The following TMCC2 variants were observed in gnomAD, a reference collection of about 807,000 sequenced individuals.
TMCC2 encodes the protein transmembrane and coiled-coil domain family 2, also known as transmembrane and coiled-coil domains protein 2.
In TMCC2, 16 loss-of-function variants were observed where a neutral mutation model predicts 49.4. The observed-to-expected ratio is 0.32, with a 90% confidence interval of 0.22 to 0.49. The LOEUF is 0.49. TMCC2 is among the 20% of genes least tolerant of loss of function. The probability of loss-of-function intolerance (pLI) is 0.99; values close to 1 mark genes in which losing one functional copy is unlikely to be tolerated. For missense variants in TMCC2, 762 were observed against 989.8 expected, an observed-to-expected ratio of 0.77 and a Z score of 3.09; for synonymous variants, 397 against 434.1, an observed-to-expected ratio of 0.91 and a Z score of 1.06.
chr1:205,237,825 T>C (rs1660114540), intron 1 of TMCC2, among the ~76,000 whole-genome samples: 1 of 152,192 alleles, frequency 6.6e-6, no homozygotes, highest in African/African-American at 2.4e-5. Flanking sequence ...GAGATGGGGC[T>C]CTTCCTGCCC....
rs145482684 is a variant in TMCC2 at position 205,264,872 on chromosome 1, A to G, written c.748-4078A>G. On this transcript the variant is annotated intron_variant, in intron 2 of 4. Transcript: ENST00000358024. This position sits in a 1 kb window ranked among gnomAD's most constrained non-coding sequence, Gnocchi z 4.2. The stretch of plus-strand genomic sequence containing the variant: ...TGGATGTGGAATTCTCAGATACAGA[A>G]GGCTAACTATAATTGTTATCCTTAT... 1.3e-3 allele frequency among the ~76,000 whole-genome samples: 205 copies of G among 152,342 alleles called. 3 individuals are homozygous for G. Among genetic ancestry groups the G allele is most frequent in the African/African-American group, 4.7e-3 (194 of 41,570 alleles).
In TMCC2 at chr1:205,269,019, C is replaced by A; in HGVS notation, c.817C>A (p.Leu273Met). The A allele has an allele frequency of 6.2e-7, 1 of 1,613,500 alleles. No homozygotes were observed. Among genetic ancestry groups the A allele is most frequent in the Non-Finnish European group, 8.5e-7 (1 of 1,180,018 alleles). Residue 273 changes from leucine (L) to methionine (M), a missense_variant, in exon 3 of 5, where the codon CTG (leucine) becomes ATG (methionine). Leu to Met is a conservative substitution (Grantham distance 15). Transcript: ENST00000358024. ...TGGTGACACCGACGGCCCCATCAGC[C>A]TGGACGTGCCCGATGGGGCACCGGA... Reference protein sequence around the residue: ...GHGDTDGPISLDVPDGAPDPQ... With the variant: ...GHGDTDGPISMDVPDGAPDPQ...
intron 2 of TMCC2, among the ~76,000 whole-genome samples, chr1:205,247,446 T>C (rs1660496104): frequency 6.6e-6 from 1 of 152,154 alleles, no homozygotes; most frequent in Non-Finnish European, 1.5e-5. Flanking sequence ...TCCCCTTCAG[T>C]TGCATAGATT....
intron 2 of TMCC2, among the ~76,000 whole-genome samples, chr1:205,250,998 G>A (rs1277664084): frequency 2.6e-5 from 4 of 152,184 alleles, no homozygotes; most frequent in Admixed American, 1.3e-4. Flanking sequence ...GATGAGAAAC[G>A]TGACCCCAGT....
chr1:205,246,184 A>C lies in TMCC2; in HGVS notation c.747+4140A>C, dbSNP rs181194268. Among the ~76,000 whole-genome samples, 499 of 152,160 alleles carry C rather than the reference A, an allele frequency of 3.3e-3. 6 individuals carry two copies. The highest frequency in any genetic ancestry group is 0.011 in the African/African-American group (469 of 41,514). ...ATGATTCTATGTGGGCATGACAGAA[A>C]GAGAGAAGTCAAATGTGGTTCACAG... On this transcript the variant is annotated intron_variant, in intron 2 of 4. Transcript: ENST00000358024.
At chr1:205,239,223 T>C (rs1009957627) in intron 1 of TMCC2, among the ~76,000 whole-genome samples, 2 of 152,200 alleles carry the variant, frequency 1.3e-5, no homozygotes, top group African/African-American at 4.8e-5. Context: ...TATTATGGAA[T>C]GTGACGATTT....
chr1:205,249,924 T>G (rs1280919406), intron 2 of TMCC2, among the ~76,000 whole-genome samples: 1 of 152,228 alleles, frequency 6.6e-6, no homozygotes, highest in East Asian at 1.9e-4. Flanking sequence ...TCTCAGTGAC[T>G]CAAAGCCCCT....
chr1:205,230,387 C>G (rs1421913801), intron 1 of TMCC2, among the ~76,000 whole-genome samples: 1 of 152,198 alleles, frequency 6.6e-6, no homozygotes, highest in East Asian at 1.9e-4. Flanking sequence ...GCACAAGAAG[C>G]TTGAGCTTTT....
chr1:205,247,272 A>AAG (rs1378374537), intron 2 of TMCC2, among the ~76,000 whole-genome samples: 2 of 152,096 alleles, frequency 1.3e-5, no homozygotes, highest in Non-Finnish European at 2.9e-5. Flanking sequence ...TGCCTATGGC[A>AAG]CCCAGCTAGG....
At chr1:205,254,596 C>T (rs1411949008) in intron 2 of TMCC2, among the ~76,000 whole-genome samples, 1 of 152,164 alleles carries the variant, frequency 6.6e-6, no homozygotes, top group Non-Finnish European at 1.5e-5. Flanking sequence ...CTATTGGTTC[C>T]CTCCTGAACC....
Position 205,241,649 on chromosome 1 carries a change from G to T in TMCC2, c.352G>T (p.Asp118Tyr), listed in dbSNP as rs371629736. The T allele has an allele frequency of 6.8e-6, 11 of 1,613,734 alleles. No individual in the cohort carries two copies. The highest frequency in any genetic ancestry group is 9.3e-6 in the Non-Finnish European group (11 of 1,179,974). Residue 118 changes from aspartate (D) to tyrosine (Y), a missense_variant, in exon 2 of 5, where the codon GAC (aspartate) becomes TAC (tyrosine). Asp to Tyr is a radical substitution (Grantham distance 160). Coordinates refer to ENST00000358024, the MANE Select transcript of TMCC2 (RefSeq NM_014858.4). This position sits in a 1 kb window ranked among gnomAD's most constrained non-coding sequence, Gnocchi z 7.3. ...GCAGCAGCAGGGTATGTCCGACCAT[G>T]ACTCCCCAGATGAGAAGGAGCGCTC... Reference protein sequence around the residue: ...HQQQQGMSDHDSPDEKERSPE... With the variant: ...HQQQQGMSDHYSPDEKERSPE...
At chr1:205,256,551 G>T in intron 2 of TMCC2, 1 of 937,268 alleles carries the variant, frequency 1.1e-6, no homozygotes. Context: ...CAGGATCTCA[G>T]GGCAGAAGAA....
At chr1:205,243,429 G>C (rs1660346034) in intron 2 of TMCC2, among the ~76,000 whole-genome samples, 1 of 152,188 alleles carries the variant, frequency 6.6e-6, no homozygotes, top group South Asian at 2.1e-4. Flanking sequence ...GATTGGGAAG[G>C]GAGTGCAGGA....
At position 205,264,437 on chromosome 1, in the gene TMCC2, G is replaced by T. The variant is rs1162069047; in HGVS notation, c.748-4513G>T. On this transcript the variant is annotated intron_variant, in intron 2 of 4. Coordinates refer to ENST00000358024, the MANE Select transcript of TMCC2 (RefSeq NM_014858.4). This position sits in a 1 kb window ranked among gnomAD's most constrained non-coding sequence, Gnocchi z 4.2. The stretch of plus-strand genomic sequence containing the variant: ...AGGTTCAAGTGATTCTTCTGCCTCA[G>T]CCTCCTGAGTAGCTGGAACAACCGG... 6.6e-6 allele frequency among the ~76,000 whole-genome samples: 1 copy of T among 151,964 alleles called. No homozygotes were observed. The highest frequency in any genetic ancestry group is 1.5e-5 in the Non-Finnish European group (1 of 67,998).
At chr1:205,265,222 C>T (rs1379126458) in intron 2 of TMCC2, among the ~76,000 whole-genome samples, 1 of 152,200 alleles carries the variant, frequency 6.6e-6, no homozygotes, top group African/African-American at 2.4e-5. Context: ...TCTGCACCCA[C>T]CATCAGGCCC....
chr1:205,269,281 G>A lies in TMCC2; in HGVS notation c.1079G>A (p.Arg360His). ...LHKKLEHYRRRLKEIEQNGPS... is the reference protein window; with the variant it reads ...LHKKLEHYRRHLKEIEQNGPS... ...AAGAAGCTGGAGCACTACCGCCGGCGCCTGAAGGAGATTGAGCAGAACGGG... is the reference window on the plus strand; with the variant it reads ...AAGAAGCTGGAGCACTACCGCCGGCACCTGAAGGAGATTGAGCAGAACGGG... The change falls in exon 3 of 5, where the codon CGC (arginine) becomes CAC (histidine). Residue 360 changes from arginine (R) to histidine (H), a missense_variant. This residue lies in a region of TMCC2 where 440 missense variants were observed against 636.7 expected (regional missense o/e 0.69). Transcript: ENST00000358024. The A allele has an allele frequency of 1.9e-6, 3 of 1,613,730 alleles. No homozygotes were observed. Among genetic ancestry groups the A allele is most frequent in the Non-Finnish European group, 2.5e-6 (3 of 1,180,024 alleles).
chr1:205,251,174 A>G (rs930503202), intron 2 of TMCC2, among the ~76,000 whole-genome samples: 2 of 152,250 alleles, frequency 1.3e-5, no homozygotes, highest in East Asian at 1.9e-4. Context: ...TACACACCCT[A>G]TTGCATTCCT....
intron 2 of TMCC2, among the ~76,000 whole-genome samples, chr1:205,251,848 G>C (rs1378797165): frequency 6.6e-6 from 1 of 152,208 alleles, no homozygotes; most frequent in Non-Finnish European, 1.5e-5. Context: ...TTCTCGTTTA[G>C]TCACGTCAGC....
Position 205,228,574 on chromosome 1 carries a change from T to G in TMCC2, c.10T>G (p.Cys4Gly). 6.2e-7 allele frequency: 1 copy of G among 1,609,474 alleles called. No individual in the cohort carries two copies. The highest frequency in any genetic ancestry group is 1.3e-5 in the African/African-American group (1 of 74,804). MKRCRSDELQQQQG... is the reference protein window; with the variant it reads MKRGRSDELQQQQG... ...CCGACCCACATACACCATGAAGAGG[T>G]GCAGATCGGACGAGCTGCAGCAACA... is the stretch of plus-strand genomic sequence containing the variant. The change falls in exon 1 of 5, where the codon TGC (cysteine) becomes GGC (glycine). Residue 4 changes from cysteine (C) to glycine (G), a missense_variant. Physicochemically the swap from Cys to Gly is radical, Grantham distance 159. This residue lies in a region of TMCC2 where 322 missense variants were observed against 353.1 expected (regional missense o/e 0.91). Coordinates refer to ENST00000358024, the MANE Select transcript of TMCC2 (RefSeq NM_014858.4).
Sources: gnomAD v4.1 joint callset for allele counts (sites outside exome capture counted in the v4.1 genomes callset) on GRCh38, gnomAD v4.1.1 for gene constraint, gnomAD v4.1.1 regional missense constraint, Gnocchi (gnomAD v3.1) non-coding constraint, MANE v1.5 for transcripts, NCBI Gene and HGNC (gene_info 2026-07-23, HGNC 2026-07-21) for gene names.